The following GRIN2A variants were observed in gnomAD, a reference collection of about 807,000 sequenced individuals.
GRIN2A encodes the protein glutamate receptor ionotropic, NMDA 2A.
Under a neutral mutation model 113.4 loss-of-function variants are expected in GRIN2A, and 22 were observed. The observed-to-expected ratio is 0.19, with a 90% CI of 0.14 to 0.28. GRIN2A has a LOEUF of 0.28. Ranked by LOEUF, GRIN2A falls within the 10% of genes least tolerant of loss-of-function variation. GRIN2A has a pLI of 1.00. For synonymous variants in GRIN2A, 827 were observed against 738.4 expected (o/e 1.12, Z -1.94); for missense variants, 1,502 against 1,887.0 (o/e 0.80, Z 3.78).
At chr16:9,923,500 C>T (rs1262747164) in intron 3 of GRIN2A, among the ~76,000 whole-genome samples, 1 of 151,896 alleles carries the variant, frequency 6.6e-6, no homozygotes, top group Admixed American at 6.6e-5. Context: ...TTTCTACTTA[C>T]CTTCTTTTGA....
chr16:9,902,864 T>C (rs1205409056), intron 3 of GRIN2A, among the ~76,000 whole-genome samples: 1 of 151,678 alleles, frequency 6.6e-6, no homozygotes, highest in African/African-American at 2.4e-5. Context: ...AACCCAGTAT[T>C]TGTTTTTAAC....
chr16:9,816,845 A>G (rs148652931), intron 10 of GRIN2A, among the ~76,000 whole-genome samples: 1 of 152,256 alleles, frequency 6.6e-6, no homozygotes, highest in African/African-American at 2.4e-5. Context: ...CTACATTTTT[A>G]TTAGCACCTA....
At chr16:9,797,602 C>T (rs1187612628) in intron 11 of GRIN2A, among the ~76,000 whole-genome samples, 1 of 152,192 alleles carries the variant, frequency 6.6e-6, no homozygotes, top group Non-Finnish European at 1.5e-5. Flanking sequence ...CAACATGACT[C>T]CACCGTGAGT....
chr16:9,975,468 G>A (rs1320046874), intron 2 of GRIN2A, among the ~76,000 whole-genome samples: 1 of 152,178 alleles, frequency 6.6e-6, no homozygotes, highest in Non-Finnish European at 1.5e-5. Flanking sequence ...GAGCTACATG[G>A]AAAGCATGAG....
chr16:9,763,531 C>T lies in GRIN2A; in HGVS notation c.4013G>A (p.Gly1338Glu), dbSNP rs754258505. ...LFSVPSSKLS[G>E]KKSSLFPQGL... ...TTGGGGGAAAAGGGAGCTTTTTTTC[C>T]CCGAGAGTTTGCTTGAGGGGACACT... The change falls in exon 13 of 13, where the codon GGG (glycine) becomes GAG (glutamate). Residue 1338 changes from glycine to glutamate, a missense_variant. Gly to Glu is a moderately conservative substitution (Grantham distance 98). Coordinates refer to ENST00000330684, the MANE Select transcript of GRIN2A (RefSeq NM_001134407.3). 1.9e-6 allele frequency: 3 copies of T among 1,613,966 alleles called. No homozygotes were observed. Among genetic ancestry groups the T allele is most frequent in the Non-Finnish European group, 2.5e-6 (3 of 1,179,974 alleles).
rs183270339 is a variant in GRIN2A at position 10,160,809 on chromosome 16, G to A, written c.414+19189C>T. On this transcript the variant is annotated intron_variant, in intron 2 of 12. Transcript: ENST00000330684. ...GCTCTTCCTCCTTCTGTATTCTCCA[G>A]CTATCCTGAATTTCTTGTCTCTTCT... is the stretch of plus-strand genomic sequence containing the variant. Among the ~76,000 whole-genome samples the A allele has an allele frequency of 1.9e-3, 292 of 152,234 alleles. 2 individuals are homozygous for A. Among genetic ancestry groups the A allele is most frequent in the African/African-American group, 6.8e-3 (283 of 41,534 alleles).
intron 2 of GRIN2A, among the ~76,000 whole-genome samples, chr16:9,977,089 A>C (rs548606473): frequency 6.6e-6 from 1 of 152,332 alleles, no homozygotes; most frequent in African/African-American, 2.4e-5. Context: ...AGTTTATTAC[A>C]TAGTCCTGCT....
At chr16:10,137,695 T>G (rs2049227894) in intron 2 of GRIN2A, among the ~76,000 whole-genome samples, 1 of 152,190 alleles carries the variant, frequency 6.6e-6, no homozygotes, top group South Asian at 2.1e-4. Context: ...GTGCACCTAT[T>G]CTGTGTGAGA....
At chr16:10,039,813 A>AAGAGAGAGAGAGAG (rs142696536) in intron 2 of GRIN2A, among the ~76,000 whole-genome samples, 1 of 73,582 alleles carries the variant, frequency 1.4e-5, no homozygotes, top group South Asian at 6.7e-4. Context: ...GGGGGGGAGA[A>AAGAGAGAGAGAGAG]AGAGAGAGAG....
At chr16:9,774,791 A>G (rs1246047767) in intron 11 of GRIN2A, among the ~76,000 whole-genome samples, 1 of 152,226 alleles carries the variant, frequency 6.6e-6, no homozygotes, top group African/African-American at 2.4e-5. Flanking sequence ...GGCATACACT[A>G]ATTACAAAAT....
intron 2 of GRIN2A, among the ~76,000 whole-genome samples, chr16:9,962,339 G>A (rs2045459297): frequency 1.3e-5 from 2 of 151,994 alleles, no homozygotes. Flanking sequence ...TACAGAATGG[G>A]AGAAAATTTT....
At chr16:9,928,777 C>A (rs73502683) in intron 3 of GRIN2A, among the ~76,000 whole-genome samples, 1,874 of 152,280 alleles carry the variant, frequency 0.012, 42 homozygotes, top group African/African-American at 0.043. Context: ...TCCGTCGAGA[C>A]CCAAAGCTTC....
At chr16:9,932,860 T>C (rs9928558) in intron 3 of GRIN2A, among the ~76,000 whole-genome samples, 1,888 of 152,234 alleles carry the variant, frequency 0.012, 43 homozygotes, top group African/African-American at 0.043. Flanking sequence ...AAGTACAGAT[T>C]AGGTTCGAAC....
At position 10,106,430 on chromosome 16, in the gene GRIN2A, T is replaced by A. The variant is rs539894954; in HGVS notation, c.414+73568A>T. On this transcript the variant is annotated intron_variant, in intron 2 of 12. Coordinates refer to ENST00000330684, the MANE Select transcript of GRIN2A (RefSeq NM_001134407.3). ...TGTTTTAATTTAAAAAAATTTACAATAAATAAATAAAAATAAGAAAAACCT... is the reference window on the plus strand; with the variant it reads ...TGTTTTAATTTAAAAAAATTTACAAAAAATAAATAAAAATAAGAAAAACCT... Among the ~76,000 whole-genome samples the A allele has an allele frequency of 4.6e-5, 7 of 151,998 alleles. 1 individual carries two copies. In the South Asian group the frequency reaches 8.3e-4, roughly 18 times the overall value.
In GRIN2A at chr16:9,765,988, A is replaced by AAAAGTAGCTTT. The variant is rs1567280106; in HGVS notation, c.2596-1041_2596-1040insAAAGCTACTTT. 5.3e-5 allele frequency among the ~76,000 whole-genome samples: 8 copies of AAAAGTAGCTTT among 152,342 alleles called. No individual in the cohort carries two copies. In the South Asian group the frequency reaches 1.4e-3, roughly 28 times the overall value. ...ACTTAAAAGTAGCTGTTCAACTGTT[A>AAAAGTAGCTTT]TCAAGGGAAGAGCCCTTGATTCCTA... is the stretch of plus-strand genomic sequence containing the variant. On this transcript the variant is annotated intron_variant, in intron 12 of 12. Transcript: ENST00000330684.
intron 10 of GRIN2A, among the ~76,000 whole-genome samples, chr16:9,799,030 T>C (rs1246169162): frequency 2.0e-5 from 3 of 152,268 alleles, no homozygotes; most frequent in Non-Finnish European, 4.4e-5. Flanking sequence ...CAACCTTTGT[T>C]AACATGTTAG....
At chr16:9,886,792 T>TATTATA (rs1700305399) in intron 4 of GRIN2A, among the ~76,000 whole-genome samples, 1 of 152,228 alleles carries the variant, frequency 6.6e-6, no homozygotes, top group Admixed American at 6.5e-5. Flanking sequence ...TGGATATTGT[T>TATTATA]ATTATAATTG....
At chr16:9,814,288 A>G (rs2042145023) in intron 10 of GRIN2A, among the ~76,000 whole-genome samples, 1 of 152,218 alleles carries the variant, frequency 6.6e-6, no homozygotes, top group African/African-American at 2.4e-5. Context: ...CCTAACTTCT[A>G]TACTTACTAA....
chr16:9,753,981 C>G lies in GRIN2A; in HGVS notation c.*9168G>C, dbSNP rs543319298. ...GCTGCTTAATTCAATAACTTTCTTG[C>G]AGGCAATGACCAGCTTGTGTATTAT... On this transcript the variant is annotated 3_prime_UTR_variant, in exon 13 of 13. Transcript: ENST00000330684. 1.7e-5 allele frequency: 3 copies of G among 179,870 alleles called. No individual in the cohort carries two copies. Among genetic ancestry groups the G allele is most frequent in the Non-Finnish European group, 2.4e-5 (2 of 83,974 alleles). 11.1% of individuals were successfully genotyped at this position (179,870 alleles called of 1,614,324 possible). A position where few individuals can be genotyped will look rare whatever the true frequency, so the allele number is the denominator to read the frequency against.
Sources: gnomAD v4.1 joint callset for allele counts (sites outside exome capture counted in the v4.1 genomes callset) on GRCh38, gnomAD v4.1.1 for gene constraint, MANE v1.5 for transcripts, NCBI Gene and HGNC (gene_info 2026-07-23, HGNC 2026-07-21) for gene names.